The following PTGER3 variants were observed in gnomAD, a reference collection of about 807,000 sequenced individuals.
The protein encoded by PTGER3 is prostaglandin E2 receptor EP3 subtype.
PTGER3 carries 22 observed loss-of-function variants against 34.7 expected under a neutral mutation model. That is an observed-to-expected ratio of 0.63 (90% CI 0.45 to 0.91). The LOEUF (loss-of-function observed/expected upper bound fraction) is 0.91, where lower values mean the gene tolerates loss of function less well. Among genes scored for constraint, PTGER3 ranks in the 40% least tolerant of loss-of-function variants. PTGER3 has a pLI of 0.00. For synonymous variants in PTGER3, 241 were observed against 230.1 expected, an observed-to-expected ratio of 1.05 and a Z score of -0.43; for missense variants, 468 against 519.4, an observed-to-expected ratio of 0.90 and a Z score of 0.96.
chr1:71,039,521 G>A (rs1367727162), intron 1 of PTGER3, among the ~76,000 whole-genome samples: 15 of 151,434 alleles, frequency 9.9e-5, no homozygotes, highest in Non-Finnish European at 2.1e-4. Context: ...GTGGTGGTGG[G>A]CGCCTGTAGT....
At chr1:70,872,017 A>G (rs1020608586) in intron 4 of PTGER3, among the ~76,000 whole-genome samples, 2 of 152,192 alleles carry the variant, frequency 1.3e-5, no homozygotes, top group Admixed American at 6.5e-5. Flanking sequence ...AAGAATTATA[A>G]ATAGCTTTGG....
chr1:70,855,950 G>A (rs1318074747), intron 4 of PTGER3, among the ~76,000 whole-genome samples: 1 of 152,088 alleles, frequency 6.6e-6, no homozygotes, highest in Non-Finnish European at 1.5e-5. Context: ...AGAGTTTCCA[G>A]AAAAATGTTT....
At chr1:70,963,015 T>C (rs1474398286) in intron 2 of PTGER3, among the ~76,000 whole-genome samples, 1 of 152,192 alleles carries the variant, frequency 6.6e-6, no homozygotes, top group Non-Finnish European at 1.5e-5. Context: ...AATACAGCTA[T>C]TCCACATGGT....
intron 4 of PTGER3, among the ~76,000 whole-genome samples, chr1:70,935,475 G>A (rs1005532668): frequency 2.0e-5 from 3 of 151,926 alleles, no homozygotes; most frequent in African/African-American, 7.3e-5. Context: ...CTTATTGGGA[G>A]AGTCTACCTA....
At chr1:70,990,282 G>C (rs1001729003) in intron 2 of PTGER3, among the ~76,000 whole-genome samples, 1 of 150,324 alleles carries the variant, frequency 6.7e-6, no homozygotes, top group Non-Finnish European at 1.5e-5. Flanking sequence ...ACTTGAACCC[G>C]GGAGACGGAG....
chr1:70,945,123 C>T (rs970232580), intron 4 of PTGER3, among the ~76,000 whole-genome samples: 1 of 152,092 alleles, frequency 6.6e-6, no homozygotes. Flanking sequence ...ACTTCAAAAT[C>T]TTTGCTTAAT....
At chr1:70,964,703 C>T (rs1348352463) in intron 2 of PTGER3, among the ~76,000 whole-genome samples, 4 of 152,118 alleles carry the variant, frequency 2.6e-5, no homozygotes, top group Non-Finnish European at 5.9e-5. Flanking sequence ...CCATATCAAG[C>T]GGTTATTCAG....
intron 1 of PTGER3, among the ~76,000 whole-genome samples, chr1:71,026,835 T>G (rs933713399): frequency 5.3e-5 from 8 of 152,108 alleles, no homozygotes; most frequent in Admixed American, 5.2e-4. Flanking sequence ...GATAACTTTT[T>G]CTCTGTATTC....
At chr1:71,021,158 T>C (rs1452785134) in intron 1 of PTGER3, among the ~76,000 whole-genome samples, 1 of 152,142 alleles carries the variant, frequency 6.6e-6, no homozygotes, top group East Asian at 1.9e-4. Context: ...TTTAGAAAAC[T>C]CACCTCAAAT....
intron 4 of PTGER3, among the ~76,000 whole-genome samples, chr1:70,865,011 G>A (rs1291812015): frequency 3.3e-5 from 5 of 152,168 alleles, no homozygotes; most frequent in East Asian, 1.9e-4. Context: ...CAGAGTCAAG[G>A]AAGGGGACGT....
intron 4 of PTGER3, among the ~76,000 whole-genome samples, chr1:70,929,919 T>C (rs1240379553): frequency 6.6e-6 from 1 of 152,162 alleles, no homozygotes; most frequent in Non-Finnish European, 1.5e-5. Context: ...CTGAACTATA[T>C]TACTCAAAAA....
chr1:71,011,318 T>C (rs1255994474), intron 2 of PTGER3: 5 of 985,094 alleles, frequency 5.1e-6, no homozygotes, highest in Non-Finnish European at 6.0e-6. Flanking sequence ...CATTGAGTCT[T>C]CAAAATATTT....
intron 4 of PTGER3, among the ~76,000 whole-genome samples, chr1:70,856,043 A>T (rs779382314): frequency 2.0e-5 from 3 of 151,920 alleles, no homozygotes; most frequent in South Asian, 2.1e-4. Flanking sequence ...GCTTGATGCC[A>T]CTATCTAGTT....
intron 2 of PTGER3, among the ~76,000 whole-genome samples, chr1:71,003,448 C>G (rs1656666182): frequency 6.6e-6 from 1 of 152,114 alleles, no homozygotes; most frequent in African/African-American, 2.4e-5. Flanking sequence ...CATTATAAAT[C>G]TCTCTTGTTG....
chr1:70,889,278 G>A (rs1204123292), intron 4 of PTGER3, among the ~76,000 whole-genome samples: 2 of 151,926 alleles, frequency 1.3e-5, no homozygotes, highest in African/African-American at 4.8e-5. Context: ...AGCCAGGCGT[G>A]GTGGCGGGTG....
chr1:70,916,636 A>C (rs1029094865), intron 4 of PTGER3, among the ~76,000 whole-genome samples: 2 of 152,040 alleles, frequency 1.3e-5, no homozygotes, highest in African/African-American at 4.8e-5. Flanking sequence ...AGGAACAGAA[A>C]ACCAAATACT....
At chr1:71,042,459 T>G (rs952654895) in intron 1 of PTGER3, among the ~76,000 whole-genome samples, 1 of 152,056 alleles carries the variant, frequency 6.6e-6, no homozygotes, top group Non-Finnish European at 1.5e-5. Context: ...ATGTGGAAAT[T>G]CTGCTTTTCT....
exon 5 of PTGER3, chr1:70,852,646 T>C: frequency 1.5e-6 from 1 of 683,676 alleles, no homozygotes; most frequent in East Asian, 2.6e-5. Context: ...TATGTAGATA[T>C]AGTAAAAGTA....
intron 4 of PTGER3, among the ~76,000 whole-genome samples, chr1:70,900,105 A>ATGT (rs1418621105): frequency 6.6e-6 from 1 of 152,120 alleles, no homozygotes; most frequent in African/African-American, 2.4e-5. Context: ...TTTCTTCAGC[A>ATGT]TGTTGTTGTT....
Sources: allele counts gnomAD v4.1 joint callset (sites outside exome capture counted in the v4.1 genomes callset), GRCh38; gene constraint gnomAD v4.1.1; transcripts MANE v1.5; gene names NCBI Gene and HGNC (gene_info 2026-07-23, HGNC 2026-07-21).